Variants in BDP1 observed in about 807,000 individuals in gnomAD.
BDP1 encodes transcription factor TFIIIB component B'' homolog.
Under a neutral mutation model 266.6 loss-of-function variants are expected in BDP1, and 169 were observed. That is an observed-to-expected ratio of 0.63 (90% CI 0.56 to 0.72). The LOEUF is 0.72. Ranked by LOEUF, BDP1 falls within the 30% of genes least tolerant of loss-of-function variation. The probability of loss-of-function intolerance (pLI) is 0.00; values close to 1 mark genes in which losing one functional copy is unlikely to be tolerated. For synonymous variants in BDP1, 1,090 were observed against 1,022.4 expected (o/e 1.07, Z -1.26); for missense variants, 3,015 against 3,053.8 (o/e 0.99, Z 0.30).
In BDP1 at chr5:71,507,707, G is replaced by T. The variant is rs554149918; in HGVS notation, c.2373-1758G>T. Among the ~76,000 whole-genome samples, 3 of 152,224 alleles carry T rather than the reference G, an allele frequency of 2.0e-5. No individual in the cohort carries two copies. The East Asian group carries it at 5.8e-4, about 29-fold the overall frequency. On this transcript the variant is annotated intron_variant, in intron 16 of 38. Transcript: ENST00000358731. ...TATCATAAATCAAAAAATGGAATGC[G>T]GTCCATTCAGGACTAATCAAATTAA...
intron 38 of BDP1, 79 bp downstream of exon 38, chr5:71,562,599 T>C: frequency 6.6e-7 from 1 of 1,526,386 alleles, no homozygotes; most frequent in Non-Finnish European, 8.9e-7. Flanking sequence ...ACATAGTAAT[T>C]TGTTATTTTT....
chr5:71,496,257 A>AG (rs1763886421), intron 12 of BDP1, among the ~76,000 whole-genome samples: 5 of 151,086 alleles, frequency 3.3e-5, no homozygotes, highest in Admixed American at 3.3e-4. Context: ...AAAAAAAAAA[A>AG]GAAAGCTATT....
intron 38 of BDP1, 33 bp downstream of exon 38, chr5:71,562,553 A>T (rs767031069): frequency 6.3e-7 from 1 of 1,595,740 alleles, no homozygotes; most frequent in East Asian, 2.2e-5. Context: ...TATAGTTTGT[A>T]TGAGATGGGT....
At chr5:71,487,629 A>C (rs1016652062) in intron 9 of BDP1, among the ~76,000 whole-genome samples, 1 of 152,186 alleles carries the variant, frequency 6.6e-6, no homozygotes, top group Non-Finnish European at 1.5e-5. Flanking sequence ...GTAGTGGCAG[A>C]GGCAGAACTG....
In BDP1 at chr5:71,479,782, G is replaced by A. The variant is rs573598911; in HGVS notation, c.1015-4060G>A. On this transcript the variant is annotated intron_variant, in intron 7 of 38. Coordinates refer to ENST00000358731, the MANE Select transcript of BDP1 (RefSeq NM_018429.3). ...AGGATGGTCTCGATCTCCTGACCTCGTGATCTGCCTGCCTCGGCCTCCCAA... is the reference window on the plus strand; with the variant it reads ...AGGATGGTCTCGATCTCCTGACCTCATGATCTGCCTGCCTCGGCCTCCCAA... Among the ~76,000 whole-genome samples the A allele has an allele frequency of 2.6e-5, 4 of 152,164 alleles. No individual in the cohort carries two copies. The South Asian group carries it at 6.2e-4, about 24-fold the overall frequency.
At chr5:71,570,073 T>C (rs570958052), downstream of BDP1, among the ~76,000 whole-genome samples, 44 of 152,272 alleles carry the variant, frequency 2.9e-4, no homozygotes, top group South Asian at 8.5e-3. Context: ...TATATCCTAC[T>C]TCTGTGTATT....
At chr5:71,556,105 T>C (rs1467711744) in intron 35 of BDP1, among the ~76,000 whole-genome samples, 1 of 152,108 alleles carries the variant, frequency 6.6e-6, no homozygotes, top group Non-Finnish European at 1.5e-5. Context: ...CCCTATGAGT[T>C]TTATCTTTTT....
chr5:71,461,735 A>G (rs1761577995), intron 2 of BDP1, 82 bp from the exon 3 acceptor site: 1 of 763,860 alleles, frequency 1.3e-6, no homozygotes, highest in African/African-American at 1.8e-5. Flanking sequence ...AGTGAACGCA[A>G]CAGTGGACTG....
chr5:71,486,907 T>A (rs1763295203), intron 9 of BDP1, among the ~76,000 whole-genome samples: 1 of 152,226 alleles, frequency 6.6e-6, no homozygotes, highest in Admixed American at 6.5e-5. Context: ...GAGTGTTGTA[T>A]TTCATGTTTG....
intron 18 of BDP1, 96 bp from the exon 19 acceptor site, chr5:71,513,087 AAT>A (rs1765022133): frequency 7.2e-6 from 5 of 692,242 alleles, no homozygotes; most frequent in South Asian, 4.6e-5. Flanking sequence ...AAAAAAAAAA[AAT>A]TAAATGTTTA....
At chr5:71,461,546 C>G (rs1761564968) in intron 2 of BDP1, among the ~76,000 whole-genome samples, 1 of 151,934 alleles carries the variant, frequency 6.6e-6, no homozygotes, top group South Asian at 2.1e-4. Flanking sequence ...CTCAGGAGTT[C>G]AAGGCTGCAG....
intron 20 of BDP1, among the ~76,000 whole-genome samples, chr5:71,515,849 G>A (rs1477844092): frequency 6.6e-6 from 1 of 151,696 alleles, no homozygotes; most frequent in Non-Finnish European, 1.5e-5. Flanking sequence ...GCTACTTTAG[G>A]CATATTATAT....
intron 10 of BDP1, among the ~76,000 whole-genome samples, chr5:71,489,974 G>T (rs775865783): frequency 1.3e-5 from 2 of 152,194 alleles, no homozygotes; most frequent in Non-Finnish European, 2.9e-5. Flanking sequence ...AGAGTTAAAA[G>T]TATGTTGCTA....
At chr5:71,507,336 G>A (rs1396932109) in intron 16 of BDP1, among the ~76,000 whole-genome samples, 5 of 152,090 alleles carry the variant, frequency 3.3e-5, no homozygotes, top group African/African-American at 1.2e-4. Context: ...TTTTATATCT[G>A]ATATCCAGTC....
chr5:71,464,154 A>AT (rs770894016), intron 4 of BDP1, 37 bp downstream of exon 4: 2 of 1,271,228 alleles, frequency 1.6e-6, no homozygotes, highest in South Asian at 1.4e-5. Flanking sequence ...CTATTCCTAC[A>AT]TTTTTTAAGA....
At position 71,522,467 on chromosome 5, in the gene BDP1, T is replaced by TC; in HGVS notation, c.5172dup (p.Asn1725GlnfsTer11). ...AGATCATTTGCTGCAGAAAGGAGCT[T>TC]CCAACACCCAGCTCCTTCTAAAAGT... On this transcript the variant is annotated frameshift_variant, in exon 23 of 39. Transcript: ENST00000358731. LOFTEE classifies it high-confidence loss of function. 1 of 1,609,784 alleles carries TC rather than the reference T, an allele frequency of 6.2e-7. No individual in the cohort carries two copies. Among genetic ancestry groups the TC allele is most frequent in the South Asian group, 1.1e-5 (1 of 90,376 alleles).
chr5:71,504,476 G>GA (rs1764454741), intron 15 of BDP1, 145 bp from the exon 16 acceptor site: 3 of 716,466 alleles, frequency 4.2e-6, no homozygotes, highest in Non-Finnish European at 6.7e-6. Context: ...GATAGCTAAA[G>GA]AAAAAACATT....
At chr5:71,519,330 C>G (rs1483335326) in intron 22 of BDP1, among the ~76,000 whole-genome samples, 1 of 152,110 alleles carries the variant, frequency 6.6e-6, no homozygotes, top group African/African-American at 2.4e-5. Context: ...ACATAATTTT[C>G]TAGCTATTTT....
Position 71,466,152 on chromosome 5 carries a change from A to T in BDP1, c.716A>T (p.Asp239Val). Reference sequence around the variant, plus strand: ...GATAATGAAATGGAAGAAGAGACAGATGATGGGCCATTACTGGTTCCTCGA... The same window carrying T: ...GATAATGAAATGGAAGAAGAGACAGTTGATGGGCCATTACTGGTTCCTCGA... ...AEDNEMEEET[D>V]DGPLLVPRVK... The change falls in exon 5 of 39, where the codon GAT becomes GTT. Residue 239 changes from aspartate (D) to valine (V), a missense_variant. Asp to Val is a radical substitution (Grantham distance 152). Transcript: ENST00000358731. 6.2e-7 allele frequency: 1 copy of T among 1,613,894 alleles called. No homozygotes were observed. Among genetic ancestry groups the T allele is most frequent in the Non-Finnish European group, 8.5e-7 (1 of 1,179,798 alleles).
Sources: allele counts gnomAD v4.1 joint callset (sites outside exome capture counted in the v4.1 genomes callset), GRCh38; gene constraint gnomAD v4.1.1; transcripts MANE v1.5; gene names NCBI Gene and HGNC (gene_info 2026-07-23, HGNC 2026-07-21).